LHCGR: variants seen among roughly 807,000 people sequenced by gnomAD.
The protein encoded by LHCGR is lutropin-choriogonadotropic hormone receptor.
LHCGR carries 55 observed loss-of-function variants against 60.7 expected under a neutral mutation model. The ratio of observed to expected loss-of-function variants is 0.91; its 90% CI spans 0.73 to 1.13. The LOEUF (loss-of-function observed/expected upper bound fraction) is 1.13, where lower values mean the gene tolerates loss of function less well. Among genes scored for constraint, LHCGR ranks in the 50% most tolerant of loss-of-function variants. The pLI is 0.00. For synonymous variants in LHCGR, 337 were observed against 316.5 expected, an observed-to-expected ratio of 1.06 and a Z score of -0.69; for missense variants, 862 against 836.0, an observed-to-expected ratio of 1.03 and a Z score of -0.38.
rs1668121032 is a variant in LHCGR at position 48,714,046 on chromosome 2, T to G, written c.545A>C (p.Tyr182Ser). Residue 182 changes from tyrosine to serine, a missense_variant, in exon 7 of 11, where the codon TAT becomes TCT. By Grantham distance (144) the Tyr-to-Ser change is moderately radical. Transcript: ENST00000294954. ...TTGTACTTCTTCAAATCCATTTCCA[T>G]ATAGTTTGCTGAAGGAGGGAGGAGA... is the stretch of plus-strand genomic sequence containing the variant. ...MNNESVTLKL[Y>S]GNGFEEVQSH... 2 of 1,612,036 alleles carry G rather than the reference T, an allele frequency of 1.2e-6. No homozygotes were observed. The highest frequency in any genetic ancestry group is 1.7e-6 in the Non-Finnish European group (2 of 1,178,180).
intron 3 of LHCGR, among the ~76,000 whole-genome samples, chr2:48,727,142 T>A (rs10178016): frequency 0.015 from 2,225 of 152,236 alleles, 29 homozygotes; most frequent in Middle Eastern, 0.027. Flanking sequence ...CTAAAGGTCT[T>A]TTGGGCTGGG....
At chr2:48,734,713 G>A (rs1396304879) in intron 1 of LHCGR, among the ~76,000 whole-genome samples, 1 of 152,166 alleles carries the variant, frequency 6.6e-6, no homozygotes, top group Non-Finnish European at 1.5e-5. Context: ...GGAGAACTGA[G>A]GGCAAAAATG....
rs1450652801 is a variant in LHCGR, at chr2:48,729,177, T to C, written c.284A>G (p.Asp95Gly). The C allele has an allele frequency of 6.2e-7, 1 of 1,612,028 alleles. No homozygotes were observed. Among genetic ancestry groups the C allele is most frequent in the Non-Finnish European group, 8.5e-7 (1 of 1,178,714 alleles). Residue 95 changes from aspartate to glycine, a missense_variant, in exon 3 of 11, where the codon GAC (aspartate) becomes GGC (glycine). Asp to Gly is a moderately conservative substitution (Grantham distance 94). Coordinates refer to ENST00000294954, the MANE Select transcript of LHCGR (RefSeq NM_000233.4). Reference protein sequence around the residue: ...SLERIEANAFDNLLNLSEILI... With the variant: ...SLERIEANAFGNLLNLSEILI... ...CATTTCAGACAAATTGAGGAGGTTGTCAAAGGCATTAGCTTCTATCCTTTC... is the reference window on the plus strand; with the variant it reads ...CATTTCAGACAAATTGAGGAGGTTGCCAAAGGCATTAGCTTCTATCCTTTC...
intron 8 of LHCGR, among the ~76,000 whole-genome samples, chr2:48,705,499 C>G (rs1667618749): frequency 6.6e-6 from 1 of 152,170 alleles, no homozygotes; most frequent in African/African-American, 2.4e-5. Flanking sequence ...ATGTTAAAGT[C>G]TCCCATTATT....
chr2:48,729,708 C>T (rs972744059), intron 2 of LHCGR, among the ~76,000 whole-genome samples: 4 of 152,158 alleles, frequency 2.6e-5, no homozygotes, highest in African/African-American at 9.7e-5. Context: ...ACTCTTAACC[C>T]TTAGTTTCCC....
At chr2:48,716,279 A>C (rs577083883) in intron 6 of LHCGR, among the ~76,000 whole-genome samples, 4 of 152,112 alleles carry the variant, frequency 2.6e-5, no homozygotes, top group Non-Finnish European at 4.4e-5. Flanking sequence ...TTATATTTCC[A>C]TCTAAGTCAG....
chr2:48,715,691 G>A (rs191026316), intron 6 of LHCGR, among the ~76,000 whole-genome samples: 3 of 152,282 alleles, frequency 2.0e-5, no homozygotes, highest in Admixed American at 6.5e-5. Flanking sequence ...TGTACTCTGT[G>A]TGTATGTATG....
chr2:48,739,515 A>T (rs1427515006), intron 1 of LHCGR, among the ~76,000 whole-genome samples: 1 of 152,202 alleles, frequency 6.6e-6, no homozygotes, highest in Non-Finnish European at 1.5e-5. Context: ...CTTTGTAGGG[A>T]CATGGATAAA....
chr2:48,754,847 G>A (rs1670133282), intron 1 of LHCGR, among the ~76,000 whole-genome samples: 1 of 152,126 alleles, frequency 6.6e-6, no homozygotes, highest in East Asian at 1.9e-4. Flanking sequence ...CCCTCCCCCA[G>A]GTTGCTGATG....
At chr2:48,691,698 T>A (rs966392268) in intron 10 of LHCGR, among the ~76,000 whole-genome samples, 1 of 151,980 alleles carries the variant, frequency 6.6e-6, no homozygotes, top group Non-Finnish European at 1.5e-5. Context: ...ATACAAAAAT[T>A]AGCCAGGCGT....
At chr2:48,754,366 C>G (rs1293208901) in intron 1 of LHCGR, among the ~76,000 whole-genome samples, 1 of 152,138 alleles carries the variant, frequency 6.6e-6, no homozygotes, top group Non-Finnish European at 1.5e-5. Context: ...CCTTCCCCAG[C>G]ACAGAATTCC....
At chr2:48,745,113 C>A (rs1278224267) in intron 1 of LHCGR, among the ~76,000 whole-genome samples, 2 of 152,192 alleles carry the variant, frequency 1.3e-5, no homozygotes, top group Non-Finnish European at 2.9e-5. Context: ...CATCACTGGC[C>A]ATCAGAGAAA....
chr2:48,709,405 T>G (rs965285261), intron 7 of LHCGR, among the ~76,000 whole-genome samples: 1 of 152,216 alleles, frequency 6.6e-6, no homozygotes, highest in Non-Finnish European at 1.5e-5. Context: ...TGTTAGCCTC[T>G]CAGTCATTGT....
At chr2:48,710,016 A>T (rs980864265) in intron 7 of LHCGR, among the ~76,000 whole-genome samples, 1 of 152,212 alleles carries the variant, frequency 6.6e-6, no homozygotes, top group Admixed American at 6.5e-5. Flanking sequence ...GCGTGGGAAC[A>T]TGATTCTCTT....
At chr2:48,711,796 G>C (rs921857661) in intron 7 of LHCGR, among the ~76,000 whole-genome samples, 1 of 152,122 alleles carries the variant, frequency 6.6e-6, no homozygotes, top group Non-Finnish European at 1.5e-5. Flanking sequence ...CCTCTATTCA[G>C]ATGATCCTGG....
rs1300001270 is a variant in LHCGR, at chr2:48,725,770, A to C, written c.309-20T>G. On this transcript the variant is annotated intron_variant, in intron 3 of 10. Coordinates refer to ENST00000294954, the MANE Select transcript of LHCGR (RefSeq NM_000233.4). Reference sequence around the variant, plus strand: ...ATCAGTCTGTAAAGAGAGAGGGAAAAAAAAAGCTGCTGTTTAATAGATGTG... The same window carrying C: ...ATCAGTCTGTAAAGAGAGAGGGAAACAAAAAGCTGCTGTTTAATAGATGTG... The C allele has an allele frequency of 7.0e-6, 11 of 1,570,398 alleles. No individual in the cohort carries two copies. The highest frequency in any genetic ancestry group is 7.9e-6 in the Non-Finnish European group (9 of 1,141,236).
chr2:48,687,584 C>T lies in LHCGR; in HGVS notation c.*113G>A, dbSNP rs1679954744. ...AGGTAGAGGTCTCTTGCCTAATGTA[C>T]CTAAAAATAAATAATTTCCTAAATC... On this transcript the variant is annotated 3_prime_UTR_variant, in exon 11 of 11. Transcript: ENST00000294954. 2 of 882,926 alleles carry T rather than the reference C, an allele frequency of 2.3e-6. No homozygotes were observed. The highest frequency in any genetic ancestry group is 3.6e-6 in the Non-Finnish European group (2 of 550,616). 54.7% of individuals were successfully genotyped at this position (882,926 alleles called of 1,614,324 possible). A position where few individuals can be genotyped will look rare whatever the true frequency, so the allele number is the denominator to read the frequency against.
intron 6 of LHCGR, chr2:48,721,824 G>A (rs1558860416): frequency 2.1e-6 from 1 of 470,240 alleles, no homozygotes; most frequent in Admixed American, 2.4e-5. Context: ...GATTTTAGGA[G>A]CAGAATTAAA....
At chr2:48,743,211 A>G (rs1669551469) in intron 1 of LHCGR, among the ~76,000 whole-genome samples, 1 of 152,168 alleles carries the variant, frequency 6.6e-6, no homozygotes, top group Non-Finnish European at 1.5e-5. Context: ...ATAGCTTACC[A>G]ACCAAAAAGA....
Sources: gnomAD v4.1 joint callset for allele counts (sites outside exome capture counted in the v4.1 genomes callset) on GRCh38, gnomAD v4.1.1 for gene constraint, MANE v1.5 for transcripts, NCBI Gene and HGNC (gene_info 2026-07-23, HGNC 2026-07-21) for gene names.